CFAP61: variants seen among roughly 807,000 people sequenced by gnomAD.
CFAP61 encodes the protein cilia- and flagella-associated protein 61.
CFAP61 carries 107 observed loss-of-function variants against 135.6 expected under a neutral mutation model. That is an observed-to-expected ratio of 0.79 (90% CI 0.67 to 0.93). The LOEUF (loss-of-function observed/expected upper bound fraction) is 0.93. Ranked by LOEUF, CFAP61 falls within the 40% of genes least tolerant of loss-of-function variation. The pLI, the probability that CFAP61 is intolerant of heterozygous loss-of-function variation, is 0.00. For missense variants in CFAP61, 1,507 were observed against 1,556.2 expected (o/e 0.97, Z 0.53); for synonymous variants, 575 against 578.5 (o/e 0.99, Z 0.09).
At chr20:20,056,871 A>G (rs1179456984) in intron 2 of CFAP61, 75 bp downstream of exon 2, 2 of 1,388,466 alleles carry the variant, frequency 1.4e-6, no homozygotes, top group Non-Finnish European at 1.0e-6. Flanking sequence ...TAATCTCAGC[A>G]CTTTGAGAGG....
In CFAP61 at chr20:20,056,579, G is replaced by T; in HGVS notation, c.-36-39G>T. ...ATTGAATTAGTGTTCAGTTTTGTGT[G>T]TATTATAACCAAACTGGCTTATCAT... On this transcript the variant is annotated intron_variant, in intron 1 of 26. Transcript: ENST00000245957. 2.8e-6 allele frequency: 4 copies of T among 1,407,770 alleles called. No homozygotes were observed. The South Asian group carries it at 4.9e-5, about 17-fold the overall frequency. The allele number at this position is 1,407,770 out of a possible 1,614,324, so 87.2% of individuals were successfully genotyped here.
chr20:20,059,255 G>A (rs2044609540), intron 2 of CFAP61, among the ~76,000 whole-genome samples: 1 of 146,644 alleles, frequency 6.8e-6, no homozygotes, highest in Admixed American at 6.9e-5. Context: ...TTGAACCCAG[G>A]AGGCGGAGGT....
intron 26 of CFAP61, among the ~76,000 whole-genome samples, chr20:20,355,887 G>A (rs1421333384): frequency 6.7e-6 from 1 of 148,566 alleles, no homozygotes; most frequent in African/African-American, 2.5e-5. Context: ...AGGGGAGGTG[G>A]TCACACTGTG....
intron 26 of CFAP61, among the ~76,000 whole-genome samples, chr20:20,355,900 G>A (rs1467753236): frequency 2.0e-5 from 3 of 148,554 alleles, no homozygotes; most frequent in African/African-American, 2.5e-5. Context: ...ACACTGTGAG[G>A]GGAGGTGGTC....
At position 20,060,527 on chromosome 20, in the gene CFAP61, A is replaced by G. The variant is rs527548609; in HGVS notation, c.143+3731A>G. Among the ~76,000 whole-genome samples, 552 of 152,378 alleles carry G rather than the reference A, an allele frequency of 3.6e-3. 4 individuals are homozygous for G. Among genetic ancestry groups the G allele is most frequent in the African/African-American group, 0.013 (532 of 41,588 alleles). ...CTAAGATTCAGGACAAAAACATTAT[A>G]TAAATTGGGAGGAGCATGATTAGAA... is the stretch of plus-strand genomic sequence containing the variant. On this transcript the variant is annotated intron_variant, in intron 2 of 26. Coordinates refer to ENST00000245957, the MANE Select transcript of CFAP61 (RefSeq NM_015585.4).
rs6046718 is a variant in CFAP61 at position 20,193,568 on chromosome 20, A to G, written c.1590+2149A>G. On this transcript the variant is annotated intron_variant, in intron 15 of 26. Coordinates refer to ENST00000245957, the MANE Select transcript of CFAP61 (RefSeq NM_015585.4). ...AGTTTTCATTGGTCCTCATACTTGT[A>G]TACTCATTTGGCTGTGTGTAGAATT... Among the ~76,000 whole-genome samples, 853 of 152,158 alleles carry G rather than the reference A, an allele frequency of 5.6e-3. 13 individuals are homozygous for G. Among genetic ancestry groups the G allele is most frequent in the African/African-American group, 0.018 (764 of 41,528 alleles).
At chr20:20,337,939 T>A (rs536487899) in intron 25 of CFAP61, among the ~76,000 whole-genome samples, 2 of 152,134 alleles carry the variant, frequency 1.3e-5, no homozygotes, top group East Asian at 3.9e-4. Context: ...CACACGAAAA[T>A]GAGGACACAG....
intron 16 of CFAP61, among the ~76,000 whole-genome samples, chr20:20,198,881 C>T (rs1038245152): frequency 2.0e-5 from 3 of 152,270 alleles, no homozygotes; most frequent in Admixed American, 2.0e-4. Flanking sequence ...AGTTGTTTTT[C>T]TGTCTTTGCT....
chr20:20,232,825 A>C (rs1036054775), intron 18 of CFAP61: 3 of 152,254 alleles, frequency 2.0e-5, no homozygotes, highest in Admixed American at 2.0e-4. Flanking sequence ...CAGTGACTGA[A>C]AGCAGCCCAG....
intron 9 of CFAP61, among the ~76,000 whole-genome samples, chr20:20,158,929 T>C (rs1440025406): frequency 6.6e-6 from 1 of 152,262 alleles, no homozygotes; most frequent in Non-Finnish European, 1.5e-5. Flanking sequence ...AAATTACTTT[T>C]GGTGCACAAA....
chr20:20,231,336 C>G (rs371237182), intron 18 of CFAP61, among the ~76,000 whole-genome samples: 13 of 152,236 alleles, frequency 8.5e-5, no homozygotes, highest in African/African-American at 2.9e-4. Flanking sequence ...TAGGAGGAGC[C>G]TGTTGGGCCC....
In CFAP61 at chr20:20,126,869, C is replaced by T. The variant is rs1327631148; in HGVS notation, c.860-15988C>T. On this transcript the variant is annotated intron_variant, in intron 8 of 26. Transcript: ENST00000245957. ...AATACTGATTATTCTTAGGTTTGGT[C>T]GTTTAACATAATCCCAGACTTCTTG... 2.6e-5 allele frequency among the ~76,000 whole-genome samples: 4 copies of T among 151,680 alleles called. 1 individual carries two copies. The highest frequency in any genetic ancestry group is 2.1e-4 in the South Asian group (1 of 4,828).
intron 9 of CFAP61, among the ~76,000 whole-genome samples, chr20:20,150,014 T>A (rs1011176287): frequency 6.6e-6 from 1 of 152,166 alleles, no homozygotes; most frequent in Admixed American, 6.5e-5. Flanking sequence ...AGGCTGCCTG[T>A]AGATAAACTT....
At chr20:20,332,528 G>T (rs1358489297) in intron 25 of CFAP61, among the ~76,000 whole-genome samples, 1 of 152,172 alleles carries the variant, frequency 6.6e-6, no homozygotes, top group East Asian at 1.9e-4. Flanking sequence ...ACTCCATTTG[G>T]ACAGTTTGCA....
At chr20:20,235,110 G>A (rs564527861) in intron 18 of CFAP61, among the ~76,000 whole-genome samples, 4 of 152,086 alleles carry the variant, frequency 2.6e-5, no homozygotes, top group East Asian at 1.9e-4. Flanking sequence ...TGGGGGAGCC[G>A]GAGGTGCTTC....
intron 8 of CFAP61, among the ~76,000 whole-genome samples, chr20:20,134,621 G>A (rs1170981053): frequency 6.6e-6 from 1 of 152,114 alleles, no homozygotes; most frequent in Non-Finnish European, 1.5e-5. Context: ...CAATAACTAT[G>A]GATTAGATCT....
intron 18 of CFAP61, among the ~76,000 whole-genome samples, chr20:20,240,511 T>C (rs1175609382): frequency 6.6e-6 from 1 of 152,010 alleles, no homozygotes; most frequent in Non-Finnish European, 1.5e-5. Flanking sequence ...CCTTCCCTCT[T>C]TGTCCCTGTA....
chr20:20,308,276 A>G (rs1032743778), intron 25 of CFAP61, among the ~76,000 whole-genome samples: 1 of 152,192 alleles, frequency 6.6e-6, no homozygotes, highest in South Asian at 2.1e-4. Flanking sequence ...TGCCAGCCCC[A>G]TTTGGATCCG....
intron 26 of CFAP61, among the ~76,000 whole-genome samples, chr20:20,350,400 G>A (rs1352862381): frequency 1.3e-5 from 2 of 152,180 alleles, no homozygotes; most frequent in Non-Finnish European, 2.9e-5. Context: ...AGGCTGAGGT[G>A]GGCAGATCAT....
Sources: allele counts gnomAD v4.1 joint callset (sites outside exome capture counted in the v4.1 genomes callset), GRCh38; gene constraint gnomAD v4.1.1; transcripts MANE v1.5; gene names NCBI Gene and HGNC (gene_info 2026-07-23, HGNC 2026-07-21).